The following SP140 variants were observed in gnomAD, a reference collection of about 807,000 sequenced individuals.
SP140 encodes the protein nuclear body protein SP140.
SP140 carries 81 observed loss-of-function variants against 125.0 expected under a neutral mutation model. The ratio of observed to expected loss-of-function variants is 0.65; its 90% CI spans 0.54 to 0.78. SP140 has a LOEUF of 0.78. Among genes scored for constraint, SP140 ranks in the 30% least tolerant of loss-of-function variants. The pLI, the probability that SP140 is intolerant of heterozygous loss-of-function variation, is 0.00. For missense variants in SP140, 858 were observed against 1,037.0 expected (o/e 0.83, Z 2.37); for synonymous variants, 312 against 354.0 (o/e 0.88, Z 1.33).
At chr2:230,248,562 G>A (rs2049857711) in intron 8 of SP140, among the ~76,000 whole-genome samples, 1 of 152,094 alleles carries the variant, frequency 6.6e-6, no homozygotes, top group African/African-American at 2.4e-5. Flanking sequence ...TCTAGAATAA[G>A]AGCTAAAGAA....
intron 12 of SP140, among the ~76,000 whole-genome samples, chr2:230,267,013 A>C (rs926607071): frequency 1.3e-5 from 2 of 152,194 alleles, no homozygotes; most frequent in African/African-American, 4.8e-5. Flanking sequence ...TAGGGAAAGA[A>C]ATATTTGGGG....
At chr2:230,245,105 T>G (rs757080849) in intron 6 of SP140, 25 bp downstream of exon 6, 1 of 1,501,926 alleles carries the variant, frequency 6.7e-7, no homozygotes, top group East Asian at 2.3e-5. Context: ...AATGACCAAT[T>G]ATCTCATTAA....
At chr2:230,216,522 C>T (rs1184389061) in intron 3 of SP140, among the ~76,000 whole-genome samples, 1 of 152,208 alleles carries the variant, frequency 6.6e-6, no homozygotes, top group Non-Finnish European at 1.5e-5. Flanking sequence ...CTGGCCTCCA[C>T]ACCTGAGAGA....
intron 15 of SP140, among the ~76,000 whole-genome samples, chr2:230,271,642 G>A (rs2053940974): frequency 6.6e-6 from 1 of 152,186 alleles, no homozygotes; most frequent in Non-Finnish European, 1.5e-5. Flanking sequence ...AGTGATCATG[G>A]TGTGTTGTGG....
chr2:230,253,231 CAG>C (rs1195031520), intron 10 of SP140, 83 bp from the exon 11 acceptor site: 9 of 926,558 alleles, frequency 9.7e-6, no homozygotes, highest in African/African-American at 1.7e-5. Context: ...CGGAACAAGA[CAG>C]GGGTGGCTCT....
At chr2:230,205,025 A>C (rs1044714887) in intron 1 of SP140, among the ~76,000 whole-genome samples, 26 of 152,216 alleles carry the variant, frequency 1.7e-4, no homozygotes, top group African/African-American at 6.3e-4. Flanking sequence ...TAGAACTTTA[A>C]CAATCACATT....
intron 18 of SP140, among the ~76,000 whole-genome samples, chr2:230,289,722 G>A (rs770204232): frequency 6.6e-6 from 1 of 152,278 alleles, no homozygotes; most frequent in African/African-American, 2.4e-5. Context: ...TGATCCACCT[G>A]CCTTGCCCTC....
intron 15 of SP140, among the ~76,000 whole-genome samples, chr2:230,277,613 T>C (rs2054915254): frequency 6.6e-6 from 1 of 152,196 alleles, no homozygotes. Context: ...TTTTCATTTA[T>C]GGTTTCCAGG....
chr2:230,245,562 A>G (rs933277107), intron 6 of SP140, among the ~76,000 whole-genome samples: 3 of 152,228 alleles, frequency 2.0e-5, no homozygotes, highest in East Asian at 3.8e-4. Context: ...ACAGAAATGC[A>G]AAGAAATGGT....
At chr2:230,193,813 G>A in the SP140 span, among the ~76,000 whole-genome samples, 1 of 152,210 alleles carries the variant, frequency 6.6e-6, no homozygotes, top group African/African-American at 2.4e-5. Context: ...CTAGAATTGA[G>A]AAGCCACTGC....
chr2:230,216,773 T>A, intron 3 of SP140: 1 of 1,613,770 alleles, frequency 6.2e-7, no homozygotes, highest in Non-Finnish European at 8.5e-7. Context: ...GGGTTCAACA[T>A]GACTCACCAT....
intron 1 of SP140, chr2:230,203,640 T>C (rs1383555023): frequency 6.6e-6 from 1 of 152,172 alleles, no homozygotes; most frequent in Non-Finnish European, 1.5e-5. Flanking sequence ...TTTTTCTGCA[T>C]AACTAAAGGA....
chr2:230,218,211 C>A (rs2045438551), intron 3 of SP140, among the ~76,000 whole-genome samples: 1 of 152,162 alleles, frequency 6.6e-6, no homozygotes, highest in South Asian at 2.1e-4. Flanking sequence ...TCCACTTTTC[C>A]AACTTCATTT....
chr2:230,262,752 G>A (rs2052483642), intron 12 of SP140, among the ~76,000 whole-genome samples: 1 of 152,100 alleles, frequency 6.6e-6, no homozygotes, highest in Non-Finnish European at 1.5e-5. Context: ...TAATTTTCAT[G>A]TATTTGCATG....
At position 230,282,095 on chromosome 2, in the gene SP140, C is replaced by T. The variant is rs569725161; in HGVS notation, c.1499-2251C>T. Reference sequence around the variant, plus strand: ...GGGACCAATAGCAAACCTGCCCAAACCTTACCTCTGAGGGAGACATTATCT... The same window carrying T: ...GGGACCAATAGCAAACCTGCCCAAATCTTACCTCTGAGGGAGACATTATCT... On this transcript the variant is annotated intron_variant, in intron 15 of 26. Coordinates refer to ENST00000392045, the MANE Select transcript of SP140 (RefSeq NM_007237.5). Among the ~76,000 whole-genome samples the T allele has an allele frequency of 8.2e-4, 125 of 152,236 alleles. 1 individual carries two copies. The highest frequency in any genetic ancestry group is 2.8e-3 in the African/African-American group (116 of 41,548).
intron 19 of SP140, among the ~76,000 whole-genome samples, chr2:230,291,834 T>C (rs1418027624): frequency 6.6e-6 from 1 of 152,220 alleles, no homozygotes; most frequent in African/African-American, 2.4e-5. Flanking sequence ...ATCACCAAAG[T>C]GTTTCCACAG....
At chr2:230,243,063 C>G (rs2048937075) in intron 4 of SP140, among the ~76,000 whole-genome samples, 1 of 152,200 alleles carries the variant, frequency 6.6e-6, no homozygotes, top group Non-Finnish European at 1.5e-5. Flanking sequence ...AATGAGCCAC[C>G]TGCTTACTTC....
chr2:230,288,318 TAAG>T (rs1013458722), intron 18 of SP140, among the ~76,000 whole-genome samples: 3 of 152,216 alleles, frequency 2.0e-5, no homozygotes, highest in Non-Finnish European at 4.4e-5. Context: ...GGTTGCACAC[TAAG>T]GGTGAAAAAG....
chr2:230,309,568 T>C (rs923161390), intron 22 of SP140, among the ~76,000 whole-genome samples: 2 of 152,250 alleles, frequency 1.3e-5, no homozygotes, highest in Non-Finnish European at 2.9e-5. Context: ...ATTTGTGGTA[T>C]AGGCAAATTG....
Sources: allele counts gnomAD v4.1 joint callset (sites outside exome capture counted in the v4.1 genomes callset), GRCh38; gene constraint gnomAD v4.1.1; transcripts MANE v1.5; gene names NCBI Gene and HGNC (gene_info 2026-07-23, HGNC 2026-07-21).